Variants in KIAA1217 observed in about 807,000 individuals in gnomAD.
KIAA1217 encodes the protein KIAA1217, also known as sickle tail protein homolog.
KIAA1217 carries 88 observed loss-of-function variants against 163.9 expected under a neutral mutation model. That is an observed-to-expected ratio of 0.54 (90% CI 0.45 to 0.64). The LOEUF (loss-of-function observed/expected upper bound fraction) is 0.64, where lower values mean the gene tolerates loss of function less well. KIAA1217 is among the 30% of genes least tolerant of loss of function. The pLI is 0.00. For missense variants in KIAA1217, 2,372 were observed against 2,475.0 expected (o/e 0.96, Z 0.88); for synonymous variants, 903 against 923.1 (o/e 0.98, Z 0.39).
At chr10:24,524,827 T>A (rs1261492683) in intron 13 of KIAA1217, 63 bp downstream of exon 13, 2 of 1,362,264 alleles carry the variant, frequency 1.5e-6, no homozygotes, top group African/African-American at 1.5e-5. Context: ...ACCTTTCCCT[T>A]AAAGCATTTA....
chr10:23,864,953 C>T (rs1406797596), intron 1 of KIAA1217, among the ~76,000 whole-genome samples: 3 of 151,900 alleles, frequency 2.0e-5, no homozygotes, highest in Non-Finnish European at 4.4e-5. Context: ...TGAGGCCCAC[C>T]CACATTATGA....
intron 1 of KIAA1217, among the ~76,000 whole-genome samples, chr10:23,960,901 TAA>T (rs1228368012): frequency 6.6e-6 from 1 of 152,188 alleles, no homozygotes; most frequent in Non-Finnish European, 1.5e-5. Flanking sequence ...CATAAATACT[TAA>T]AAGAGATATA....
intron 2 of KIAA1217, among the ~76,000 whole-genome samples, chr10:24,022,207 TA>T (rs199900874): frequency 3.1e-4 from 47 of 151,138 alleles, no homozygotes; most frequent in Admixed American, 2.6e-4. Flanking sequence ...ATATCTGATT[TA>T]AAAAAAACTT....
intron 2 of KIAA1217, among the ~76,000 whole-genome samples, chr10:24,327,629 C>G (rs1336911604): frequency 6.6e-6 from 1 of 152,060 alleles, no homozygotes; most frequent in Non-Finnish European, 1.5e-5. Flanking sequence ...TAGGTGCACG[C>G]CACCATGCCT....
chr10:24,137,081 A>T (rs567949787), intron 2 of KIAA1217, among the ~76,000 whole-genome samples: 8 of 152,228 alleles, frequency 5.3e-5, no homozygotes, highest in Non-Finnish European at 1.2e-4. Flanking sequence ...GTAAATTCTG[A>T]CATATTCATG....
At chr10:24,261,676 G>A (rs1418888281) in intron 2 of KIAA1217, among the ~76,000 whole-genome samples, 2 of 152,068 alleles carry the variant, frequency 1.3e-5, no homozygotes, top group Admixed American at 1.3e-4. Flanking sequence ...GGGCATGTGG[G>A]TGATCCTCTT....
At chr10:24,171,543 G>A (rs1166207054) in intron 2 of KIAA1217, among the ~76,000 whole-genome samples, 3 of 152,116 alleles carry the variant, frequency 2.0e-5, no homozygotes, top group Admixed American at 1.3e-4. Context: ...GGTGGCTCAC[G>A]CCTGTAATCC....
At chr10:24,500,184 A>AGTGTGG (rs1554907879) in intron 8 of KIAA1217, among the ~76,000 whole-genome samples, 1 of 143,158 alleles carries the variant, frequency 7.0e-6, no homozygotes, top group Non-Finnish European at 1.5e-5. Context: ...ACTGAACAGA[A>AGTGTGG]GTGTGTGTGT....
chr10:23,705,871 T>C (rs1331749379), intron 1 of KIAA1217, among the ~76,000 whole-genome samples: 1 of 152,194 alleles, frequency 6.6e-6, no homozygotes, highest in Non-Finnish European at 1.5e-5. Context: ...ATCTTAACAA[T>C]ATCAATTCAT....
chr10:24,536,618 G>A (rs867651611), intron 16 of KIAA1217, among the ~76,000 whole-genome samples, 156 bp from the exon 17 acceptor site: 6 of 152,134 alleles, frequency 3.9e-5, no homozygotes, highest in African/African-American at 1.4e-4. Flanking sequence ...ATGAGAGCAC[G>A]TGAGGAGCAG....
chr10:23,792,727 C>A (rs1040595650), intron 1 of KIAA1217, among the ~76,000 whole-genome samples: 13 of 151,412 alleles, frequency 8.6e-5, no homozygotes, highest in Non-Finnish European at 1.9e-4. Context: ...TGGTCTCGAT[C>A]TCCTGACCTT....
intron 6 of KIAA1217, among the ~76,000 whole-genome samples, chr10:24,475,720 AG>A (rs1475376953): frequency 6.6e-6 from 1 of 152,214 alleles, no homozygotes; most frequent in Non-Finnish European, 1.5e-5. Flanking sequence ...CAGACAGCTA[AG>A]GGGTATAGGA....
chr10:23,718,048 T>G (rs1214894767), intron 1 of KIAA1217, among the ~76,000 whole-genome samples: 1 of 152,228 alleles, frequency 6.6e-6, no homozygotes, highest in East Asian at 1.9e-4. Flanking sequence ...AAGTCCTCCT[T>G]GCTTCCATTT....
intron 1 of KIAA1217, among the ~76,000 whole-genome samples, chr10:23,856,342 G>C (rs899479876): frequency 1.3e-5 from 2 of 152,230 alleles, no homozygotes; most frequent in African/African-American, 4.8e-5. Flanking sequence ...CGTGAACCGC[G>C]AATGCTGCTG....
chr10:23,956,107 T>C (rs948160883), intron 1 of KIAA1217, among the ~76,000 whole-genome samples: 1 of 152,132 alleles, frequency 6.6e-6, no homozygotes, highest in Admixed American at 6.6e-5. Flanking sequence ...GACAAATAAC[T>C]CTCAAAGTTC....
intron 3 of KIAA1217, among the ~76,000 whole-genome samples, chr10:24,383,992 G>A (rs931960724): frequency 3.9e-5 from 6 of 152,190 alleles, no homozygotes; most frequent in African/African-American, 7.2e-5. Context: ...ACAGACGCAC[G>A]GGTTCCTGGG....
At chr10:23,923,265 G>A (rs761761578) in intron 1 of KIAA1217, among the ~76,000 whole-genome samples, 20 of 152,214 alleles carry the variant, frequency 1.3e-4, no homozygotes, top group South Asian at 2.1e-4. Flanking sequence ...ATTTAGGCTC[G>A]TTCCATATTT....
chr10:24,018,534 T>A, intron 2 of KIAA1217, among the ~76,000 whole-genome samples: 1 of 150,878 alleles, frequency 6.6e-6, no homozygotes, highest in Non-Finnish European at 1.5e-5. Context: ...ATTGTGCACA[T>A]GTACCCTAAA....
At chr10:23,973,301 A>G (rs1202806680) in intron 1 of KIAA1217, among the ~76,000 whole-genome samples, 4 of 152,232 alleles carry the variant, frequency 2.6e-5, no homozygotes, top group African/African-American at 9.6e-5. Context: ...CGTAGCTACC[A>G]TTTATTGTGC....
Sources: allele counts gnomAD v4.1 joint callset (sites outside exome capture counted in the v4.1 genomes callset), GRCh38; gene constraint gnomAD v4.1.1; transcripts MANE v1.5; gene names NCBI Gene and HGNC (gene_info 2026-07-23, HGNC 2026-07-21).